Variants in SPHKAP observed in about 807,000 individuals in gnomAD.
SPHKAP encodes the protein A-kinase anchor protein SPHKAP.
A neutral mutation model predicts 137.5 loss-of-function variants in SPHKAP; 67 were observed. The observed-to-expected ratio is 0.49, with a 90% CI of 0.40 to 0.60. The LOEUF (loss-of-function observed/expected upper bound fraction) is 0.60. Ranked by LOEUF, SPHKAP falls within the 20% of genes least tolerant of loss-of-function variation. The probability of loss-of-function intolerance (pLI) is 0.00; values close to 1 mark genes in which losing one functional copy is unlikely to be tolerated. For synonymous variants in SPHKAP, 813 were observed against 785.3 expected (o/e 1.04, Z -0.59); for missense variants, 2,097 against 2,069.3 (o/e 1.01, Z -0.26).
chr2:228,065,526 A>G lies in SPHKAP; in HGVS notation c.247-37983T>C, dbSNP rs544688740. 1.6e-4 allele frequency among the ~76,000 whole-genome samples: 25 copies of G among 152,328 alleles called. No individual in the cohort carries two copies. In the South Asian group the frequency reaches 4.8e-3, roughly 29 times the overall value. ...CTAAACTATTTCAAAAAGTTTGGCT[A>G]TAAAAGGGGGCACTGAGAGTAATCT... On this transcript the variant is annotated intron_variant, in intron 3 of 11. Transcript: ENST00000392056.
chr2:227,994,412 A>T (rs1316301295), intron 8 of SPHKAP, among the ~76,000 whole-genome samples: 1 of 152,160 alleles, frequency 6.6e-6, no homozygotes, highest in African/African-American at 2.4e-5. Flanking sequence ...AAATATATCC[A>T]ATTTTACCAA....
At chr2:228,020,195 A>T in intron 6 of SPHKAP, 39 bp from the exon 7 acceptor site, 1 of 1,536,362 alleles carries the variant, frequency 6.5e-7, no homozygotes, top group Non-Finnish European at 8.7e-7. Context: ...TACTTTTTGG[A>T]TAGCAGGTTA....
chr2:227,995,845 G>A, intron 7 of SPHKAP, 151 bp from the exon 8 acceptor site: 1 of 1,257,978 alleles, frequency 7.9e-7, no homozygotes, highest in Non-Finnish European at 1.0e-6. Flanking sequence ...TGGTGCCCTA[G>A]GTCCCATTTG....
At chr2:228,057,889 T>C (rs1418952639) in intron 3 of SPHKAP, among the ~76,000 whole-genome samples, 1 of 152,102 alleles carries the variant, frequency 6.6e-6, no homozygotes, top group Non-Finnish European at 1.5e-5. Context: ...GAAGCTCTTA[T>C]TTGGTTTGGA....
rs544963659 is a variant in SPHKAP at position 228,138,791 on chromosome 2, A to C, written c.33-6706T>G. On this transcript the variant is annotated intron_variant, in intron 1 of 11. Transcript: ENST00000392056. ...CATTTTATTTTCCCAAATAAACTTCAAGAAAACCCCTTATAGTTCTGCTTT... is the reference window on the plus strand; with the variant it reads ...CATTTTATTTTCCCAAATAAACTTCCAGAAAACCCCTTATAGTTCTGCTTT... Among the ~76,000 whole-genome samples, 11 of 152,312 alleles carry C rather than the reference A, an allele frequency of 7.2e-5. No individual in the cohort carries two copies. In the South Asian group the frequency reaches 2.3e-3, roughly 32 times the overall value.
intron 1 of SPHKAP, among the ~76,000 whole-genome samples, chr2:228,161,382 T>C (rs34452527): frequency 1.3e-5 from 2 of 152,196 alleles, no homozygotes; most frequent in South Asian, 2.1e-4. Flanking sequence ...CTAGAAACAA[T>C]GATATTTTCA....
intron 2 of SPHKAP, among the ~76,000 whole-genome samples, chr2:228,112,940 T>C (rs1698566070): frequency 6.6e-6 from 1 of 152,166 alleles, no homozygotes; most frequent in Admixed American, 6.6e-5. Context: ...ACTCTTCCAT[T>C]TCCCTGGGAT....
intron 1 of SPHKAP, among the ~76,000 whole-genome samples, chr2:228,136,641 T>C (rs1190617973): frequency 6.6e-6 from 1 of 152,190 alleles, no homozygotes; most frequent in Non-Finnish European, 1.5e-5. Flanking sequence ...ACTTGGGAGC[T>C]TGTTAGACAC....
intron 11 of SPHKAP, among the ~76,000 whole-genome samples, chr2:227,988,869 G>A (rs964477647): frequency 8.5e-5 from 13 of 152,240 alleles, no homozygotes; most frequent in South Asian, 6.2e-4. Flanking sequence ...ATAGTGAACC[G>A]CTCAACACCT....
Position 228,016,464 on chromosome 2 carries a change from T to C in SPHKAP, c.4390A>G (p.Asn1464Asp), listed in dbSNP as rs751958613. ...CCACCTCTCACCACATCTGGGATGT[T>C]TTTGTCATTCGAATGCCCTTCTGCT... ...EEAEGHSNDK[N>D]IPDVVRGGDT... Residue 1464 changes from asparagine to aspartate, a missense_variant, in exon 7 of 12, where the codon AAC becomes GAC. Physicochemically the swap from Asn to Asp is conservative, Grantham distance 23 (BLOSUM62 1). Coordinates refer to ENST00000392056, the MANE Select transcript of SPHKAP (RefSeq NM_001142644.2). The C allele has an allele frequency of 6.2e-7, 1 of 1,612,358 alleles. No individual in the cohort carries two copies. The highest frequency in any genetic ancestry group is 2.2e-5 in the East Asian group (1 of 44,852).
chr2:227,991,285 T>C lies in SPHKAP; in HGVS notation c.4763A>G (p.Glu1588Gly). 6.2e-7 allele frequency: 1 copy of C among 1,614,242 alleles called. No individual in the cohort carries two copies. Among genetic ancestry groups the C allele is most frequent in the Non-Finnish European group, 8.5e-7 (1 of 1,180,030 alleles). The change falls in exon 10 of 12, where the codon GAA (glutamate) becomes GGA (glycine). Residue 1588 changes from glutamate (E) to glycine (G), a missense_variant. Transcript: ENST00000392056. ...GGAAGGTGGCTTACCCTCTGTGCTT[T>C]CTGACTGTCCTTTAAGAATCTTCTT... is the stretch of plus-strand genomic sequence containing the variant. ...EEKKILKGQS[E>G]STEAPASGPP... is the part of the protein sequence containing the mutation.
chr2:228,152,978 C>T (rs781211491), intron 1 of SPHKAP, among the ~76,000 whole-genome samples: 14 of 152,200 alleles, frequency 9.2e-5, no homozygotes, highest in South Asian at 2.1e-4. Flanking sequence ...TAACTGTTCT[C>T]GTGGTTTTAA....
intron 2 of SPHKAP, among the ~76,000 whole-genome samples, chr2:228,129,290 A>G (rs28591249): frequency 0.45 from 68,614 of 152,086 alleles, 16,349 homozygotes; most frequent in East Asian, 0.68. Flanking sequence ...ATGCAGGATT[A>G]ACATAAACCT....
intron 11 of SPHKAP, among the ~76,000 whole-genome samples, chr2:227,986,157 G>A (rs192203353): frequency 6.6e-6 from 1 of 152,152 alleles, no homozygotes; most frequent in African/African-American, 2.4e-5. Flanking sequence ...CAGATGAAGC[G>A]CCTCAGTATC....
chr2:228,033,478 A>G (rs1695441875), intron 3 of SPHKAP, among the ~76,000 whole-genome samples: 1 of 152,200 alleles, frequency 6.6e-6, no homozygotes, highest in African/African-American at 2.4e-5. Flanking sequence ...AACGAGACAG[A>G]AAGTTAACAA....
intron 9 of SPHKAP, among the ~76,000 whole-genome samples, chr2:227,992,141 T>C (rs572454198): frequency 9.8e-5 from 15 of 152,318 alleles, no homozygotes; most frequent in African/African-American, 2.6e-4. Context: ...GGTTGTCCTA[T>C]ATTTTTGTCG....
At chr2:228,096,718 G>A (rs147058499) in intron 3 of SPHKAP, among the ~76,000 whole-genome samples, 112 of 151,882 alleles carry the variant, frequency 7.4e-4, no homozygotes, top group African/African-American at 2.2e-3. Context: ...GCTGGGTGCC[G>A]TCTGGAATAT....
At chr2:228,139,707 T>C (rs1574886640) in intron 1 of SPHKAP, among the ~76,000 whole-genome samples, 1 of 152,288 alleles carries the variant, frequency 6.6e-6, no homozygotes, top group East Asian at 1.9e-4. Context: ...CTTTCATTTT[T>C]TAATGAAGGC....
In SPHKAP at chr2:228,019,981, T is replaced by G. The variant is rs770041175; in HGVS notation, c.873A>C (p.Thr291=). 9.2e-5 allele frequency: 148 copies of G among 1,614,244 alleles called. No individual in the cohort carries two copies. In the South Asian group the frequency reaches 1.3e-3, roughly 14 times the overall value. ...IKTERSPENL[T]KNTALQSLDP... Reference sequence around the variant, plus strand: ...CTAGACTCTGCAAGGCTGTGTTCTTTGTTAGGTTTTCTGGAGATCGTTCTG... The same window carrying G: ...CTAGACTCTGCAAGGCTGTGTTCTTGGTTAGGTTTTCTGGAGATCGTTCTG... The change falls in exon 7 of 12, where the codon ACA becomes ACC. Residue 291 remains threonine, a synonymous_variant. Coordinates refer to ENST00000392056, the MANE Select transcript of SPHKAP (RefSeq NM_001142644.2).
Sources: allele counts gnomAD v4.1 joint callset (sites outside exome capture counted in the v4.1 genomes callset), GRCh38; gene constraint gnomAD v4.1.1; transcripts MANE v1.5; gene names NCBI Gene and HGNC (gene_info 2026-07-23, HGNC 2026-07-21).